The following PCDH15 variants were observed in gnomAD, a reference collection of about 807,000 sequenced individuals.
The protein encoded by PCDH15 is protocadherin related 15.
A neutral mutation model predicts 178.5 loss-of-function variants in PCDH15; 129 were observed. The ratio of observed to expected loss-of-function variants is 0.72; its 90% CI spans 0.63 to 0.84. PCDH15 has a LOEUF of 0.84. Among genes scored for constraint, PCDH15 ranks in the 40% least tolerant of loss-of-function variants. The pLI is 0.00. For synonymous variants in PCDH15, 800 were observed against 732.0 expected (o/e 1.09, Z -1.50); for missense variants, 2,230 against 2,099.9 (o/e 1.06, Z -1.21).
intron 1 of PCDH15, among the ~76,000 whole-genome samples, chr10:54,750,283 C>T (rs924743995): frequency 3.2e-5 from 4 of 125,512 alleles, no homozygotes; most frequent in African/African-American, 1.1e-4. Flanking sequence ...AAGAGTTAAA[C>T]AGTAAATAAT....
At chr10:53,941,637 T>G (rs561979358) in intron 23 of PCDH15, among the ~76,000 whole-genome samples, 1 of 152,288 alleles carries the variant, frequency 6.6e-6, no homozygotes, top group Admixed American at 6.5e-5. Context: ...TGTGTGTAGG[T>G]TTTTGTGACT....
chr10:55,065,587 G>C (rs1361730109), intron 2 of PCDH15, among the ~76,000 whole-genome samples: 1 of 152,024 alleles, frequency 6.6e-6, no homozygotes, highest in Non-Finnish European at 1.5e-5. Context: ...GAACCCAGGA[G>C]AGTAGATACT....
intron 23 of PCDH15, among the ~76,000 whole-genome samples, chr10:53,943,930 T>C (rs1405084584): frequency 6.6e-6 from 1 of 152,110 alleles, no homozygotes; most frequent in Non-Finnish European, 1.5e-5. Flanking sequence ...TATTTTATTA[T>C]TGTTTTAGGT....
intron 1 of PCDH15, among the ~76,000 whole-genome samples, chr10:55,315,860 A>G (rs1364971446): frequency 6.6e-6 from 1 of 152,082 alleles, no homozygotes; most frequent in African/African-American, 2.4e-5. Context: ...TACTAAAAAT[A>G]CAAAAATTTG....
intron 2 of PCDH15, among the ~76,000 whole-genome samples, chr10:55,107,126 T>C (rs1242892318): frequency 6.6e-6 from 1 of 152,194 alleles, no homozygotes; most frequent in Non-Finnish European, 1.5e-5. Flanking sequence ...AATATATGAG[T>C]GCATCCAGAA....
intron 1 of PCDH15, among the ~76,000 whole-genome samples, chr10:54,735,706 G>A (rs1456975098): frequency 8.6e-6 from 1 of 115,904 alleles, no homozygotes; most frequent in African/African-American, 3.2e-5. Context: ...ATGAGTTCAT[G>A]TCCTTTGTAG....
chr10:54,635,789 A>T (rs895048141), intron 2 of PCDH15, among the ~76,000 whole-genome samples: 2 of 151,956 alleles, frequency 1.3e-5, no homozygotes, highest in African/African-American at 2.4e-5. Context: ...AAGAGGGAAG[A>T]AAAACATCAT....
intron 2 of PCDH15, among the ~76,000 whole-genome samples, chr10:54,556,838 T>C (rs1160245481): frequency 6.6e-6 from 1 of 152,054 alleles, no homozygotes; most frequent in Non-Finnish European, 1.5e-5. Flanking sequence ...ATAAGCATAA[T>C]TAGCTGTAGG....
intron 3 of PCDH15, among the ~76,000 whole-genome samples, chr10:54,465,151 A>G (rs896290306): frequency 6.6e-6 from 1 of 152,094 alleles, no homozygotes; most frequent in African/African-American, 2.4e-5. Flanking sequence ...GCATTTGTAT[A>G]TATTTACAGG....
At chr10:55,534,848 T>A (rs558570665) in intron 2 of PCDH15, among the ~76,000 whole-genome samples, 2 of 152,114 alleles carry the variant, frequency 1.3e-5, no homozygotes, top group African/African-American at 4.8e-5. Flanking sequence ...ATAAAGAAAA[T>A]GTGTTACATA....
At position 55,152,858 on chromosome 10, in the gene PCDH15, G is replaced by A. The variant is rs35245017; in HGVS notation, c.-80+13718C>T. On this transcript the variant is annotated intron_variant, in intron 2 of 5. Coordinates refer to the PCDH15 transcript ENST00000458638. The stretch of plus-strand genomic sequence containing the variant: ...TAAAATAAAAAAGCATAGCACTGTT[G>A]TGATTATGTGTATGGACACATACAC... Among the ~76,000 whole-genome samples, 638 of 152,022 alleles carry A rather than the reference G, an allele frequency of 4.2e-3. 5 individuals are homozygous for A. The highest frequency in any genetic ancestry group is 6.1e-3 in the Non-Finnish European group (415 of 67,980).
At chr10:54,473,000 C>T (rs2078023404) in intron 3 of PCDH15, among the ~76,000 whole-genome samples, 2 of 152,126 alleles carry the variant, frequency 1.3e-5, no homozygotes, top group South Asian at 4.1e-4. Flanking sequence ...TGAGGAAACA[C>T]AGACTTCTAC....
At chr10:54,771,177 C>A (rs956139000) in intron 1 of PCDH15, among the ~76,000 whole-genome samples, 12 of 152,132 alleles carry the variant, frequency 7.9e-5, no homozygotes, top group African/African-American at 2.9e-4. Flanking sequence ...TGCCAAAATA[C>A]TGCTTTAATA....
chr10:54,090,978 C>G (rs1416738769), intron 15 of PCDH15, among the ~76,000 whole-genome samples: 1 of 152,016 alleles, frequency 6.6e-6, no homozygotes, highest in African/African-American at 2.4e-5. Flanking sequence ...AAATATTAAC[C>G]TTTTTGTTGG....
At chr10:55,175,685 GA>G (rs545434227) in intron 1 of PCDH15, among the ~76,000 whole-genome samples, 24 of 134,368 alleles carry the variant, frequency 1.8e-4, no homozygotes, top group African/African-American at 4.4e-4. Flanking sequence ...AAAAGAAAAA[GA>G]AAAAAAAAGA....
intron 26 of PCDH15, among the ~76,000 whole-genome samples, chr10:53,886,881 C>T (rs2081140725): frequency 6.6e-6 from 1 of 152,172 alleles, no homozygotes; most frequent in Non-Finnish European, 1.5e-5. Context: ...TTCTAAGATG[C>T]AGGCTGTTCC....
chr10:54,935,147 G>A (rs1164635958), intron 2 of PCDH15, among the ~76,000 whole-genome samples: 1 of 151,646 alleles, frequency 6.6e-6, no homozygotes, highest in Non-Finnish European at 1.5e-5. Flanking sequence ...GAGTTAATGG[G>A]TGCAGCACAC....
At chr10:54,439,136 GAA>G (rs1491063025) in intron 3 of PCDH15, among the ~76,000 whole-genome samples, 1 of 114,522 alleles carries the variant, frequency 8.7e-6, no homozygotes, top group Non-Finnish European at 2.0e-5. Flanking sequence ...AAATAGTTTA[GAA>G]GAGTTAATAT....
intron 2 of PCDH15, among the ~76,000 whole-genome samples, chr10:54,603,818 T>C (rs903287320): frequency 1.3e-5 from 2 of 151,948 alleles, no homozygotes; most frequent in Admixed American, 6.6e-5. Flanking sequence ...TCACATTCTC[T>C]CTTCTTCCAA....
Sources: gnomAD v4.1 joint callset for allele counts (sites outside exome capture counted in the v4.1 genomes callset) on GRCh38, gnomAD v4.1.1 for gene constraint, MANE v1.5 for transcripts, NCBI Gene and HGNC (gene_info 2026-07-23, HGNC 2026-07-21) for gene names.